The following PALLD variants were observed in gnomAD, a reference collection of about 807,000 sequenced individuals.
PALLD encodes the protein palladin, cytoskeletal associated protein.
A neutral mutation model predicts 123.5 loss-of-function variants in PALLD; 61 were observed. That is an observed-to-expected ratio of 0.49 (90% CI 0.40 to 0.61). The LOEUF (loss-of-function observed/expected upper bound fraction) is 0.61, where lower values mean the gene tolerates loss of function less well. PALLD is among the 20% of genes least tolerant of loss of function. The pLI is 0.00. For synonymous variants in PALLD, 465 were observed against 496.4 expected, an observed-to-expected ratio of 0.94 and a Z score of 0.84; for missense variants, 1,273 against 1,377.0, an observed-to-expected ratio of 0.92 and a Z score of 1.20.
chr4:168,837,694 G>C (rs1745397205), intron 10 of PALLD, among the ~76,000 whole-genome samples: 1 of 152,186 alleles, frequency 6.6e-6, no homozygotes, highest in African/African-American at 2.4e-5. Context: ...GAGATTTTAA[G>C]AGGGTAAGTA....
At chr4:168,582,906 T>C (rs1770438822) in intron 2 of PALLD, among the ~76,000 whole-genome samples, 1 of 152,192 alleles carries the variant, frequency 6.6e-6, no homozygotes, top group Non-Finnish European at 1.5e-5. Context: ...TGAAAGGCTT[T>C]GCACTCTTAA....
At chr4:168,890,427 G>C (rs1356685909) in intron 10 of PALLD, among the ~76,000 whole-genome samples, 1 of 152,158 alleles carries the variant, frequency 6.6e-6, no homozygotes, top group African/African-American at 2.4e-5. Flanking sequence ...TTTCAAATGG[G>C]CTAGGCACTA....
intron 2 of PALLD, among the ~76,000 whole-genome samples, chr4:168,645,839 C>A (rs996392782): frequency 6.6e-6 from 1 of 152,054 alleles, no homozygotes; most frequent in Non-Finnish European, 1.5e-5. Context: ...GAGTTGCTGA[C>A]CTTGGCCCCA....
rs566746853 is a variant in PALLD at position 168,521,152 on chromosome 4, G to A, written c.908+8740G>A. ...GATCTTTTATGGTATCATCTACCCA[G>A]TTTACCTGCTGCAGATGGCAAAAAA... On this transcript the variant is annotated intron_variant, in intron 2 of 21. Coordinates refer to ENST00000505667, the MANE Select transcript of PALLD (RefSeq NM_001166108.2). Among the ~76,000 whole-genome samples the A allele has an allele frequency of 3.0e-4, 45 of 152,012 alleles. No homozygotes were observed. The Middle Eastern group carries it at 0.014, about 46-fold the overall frequency.
At chr4:168,741,676 C>T (rs1788357711) in intron 10 of PALLD, among the ~76,000 whole-genome samples, 1 of 151,806 alleles carries the variant, frequency 6.6e-6, no homozygotes, top group Non-Finnish European at 1.5e-5. Context: ...AGAGTACAAT[C>T]CTATCTCAAA....
At chr4:168,879,958 T>C (rs1425478807) in intron 10 of PALLD, among the ~76,000 whole-genome samples, 1 of 152,204 alleles carries the variant, frequency 6.6e-6, no homozygotes, top group Non-Finnish European at 1.5e-5. Flanking sequence ...CCAGAGTTTG[T>C]TGCATGACAC....
chr4:168,772,056 T>A (rs1734530437), intron 10 of PALLD, among the ~76,000 whole-genome samples: 3 of 152,208 alleles, frequency 2.0e-5, no homozygotes, highest in African/African-American at 7.2e-5. Flanking sequence ...CAGAACCTTT[T>A]CTACTGAGTA....
At chr4:168,831,763 A>G (rs1008648694) in intron 10 of PALLD, among the ~76,000 whole-genome samples, 1 of 152,238 alleles carries the variant, frequency 6.6e-6, no homozygotes, top group Non-Finnish European at 1.5e-5. Flanking sequence ...CATCCTAACA[A>G]GCCGACAACA....
chr4:168,512,213 C>T lies in PALLD; in HGVS notation c.709C>T (p.Pro237Ser). The T allele has an allele frequency of 6.2e-7, 1 of 1,613,798 alleles. No homozygotes were observed. The highest frequency in any genetic ancestry group is 2.2e-5 in the East Asian group (1 of 44,864). Residue 237 changes from proline (P) to serine (S), a missense_variant, in exon 2 of 22, where the codon CCT becomes TCT. Transcript: ENST00000505667. Reference sequence around the variant, plus strand: ...GGAGATGGAAAGAGAGGTCAAGTCCCCTGGGGCCAGGCATTGCTACCAGGA... The same window carrying T: ...GGAGATGGAAAGAGAGGTCAAGTCCTCTGGGGCCAGGCATTGCTACCAGGA... ...QGEMEREVKS[P>S]GARHCYQDNQ...
chr4:168,535,782 A>C (rs1765034165), intron 2 of PALLD, among the ~76,000 whole-genome samples: 1 of 152,182 alleles, frequency 6.6e-6, no homozygotes, highest in South Asian at 2.1e-4. Context: ...AACTATAGCC[A>C]CCTCTACAAA....
chr4:168,794,547 G>A (rs867013116), intron 10 of PALLD, among the ~76,000 whole-genome samples: 1 of 136,338 alleles, frequency 7.3e-6, no homozygotes, highest in Non-Finnish European at 1.6e-5. Context: ...CACCCCTCTG[G>A]CTGCCTCAAC....
intron 10 of PALLD, among the ~76,000 whole-genome samples, chr4:168,733,112 A>C (rs188376410): frequency 5.9e-5 from 9 of 152,292 alleles, no homozygotes; most frequent in Admixed American, 4.6e-4. Flanking sequence ...TACATATATA[A>C]TGTGTAACTA....
At chr4:168,622,295 C>T (rs111987392) in intron 2 of PALLD, among the ~76,000 whole-genome samples, 1,540 of 152,258 alleles carry the variant, frequency 0.01, 19 homozygotes, top group African/African-American at 0.031. Flanking sequence ...TCCCGAATCA[C>T]GAGGGTGCTT....
chr4:168,629,368 A>G (rs1313079373), intron 2 of PALLD, among the ~76,000 whole-genome samples: 1 of 152,204 alleles, frequency 6.6e-6, no homozygotes, highest in African/African-American at 2.4e-5. Context: ...TATTTAGGCC[A>G]AAAGAAACCT....
chr4:168,756,344 C>T, intron 10 of PALLD: 1 of 224,546 alleles, frequency 4.5e-6, no homozygotes, highest in Middle Eastern at 1.8e-3. Context: ...TGGATGGTAT[C>T]TATGTCTCTG....
At chr4:168,640,603 A>T (rs1329620844) in intron 2 of PALLD, among the ~76,000 whole-genome samples, 1 of 152,238 alleles carries the variant, frequency 6.6e-6, no homozygotes, top group Non-Finnish European at 1.5e-5. Flanking sequence ...AACTGACTAC[A>T]CTTAGACCTA....
intron 2 of PALLD, among the ~76,000 whole-genome samples, chr4:168,517,738 C>T (rs11939299): frequency 0.11 from 16,148 of 152,188 alleles, 1,816 homozygotes; most frequent in African/African-American, 0.29. Flanking sequence ...ATATTCAGTG[C>T]TTGTAAAGTG....
intron 2 of PALLD, among the ~76,000 whole-genome samples, chr4:168,560,759 T>C (rs528984308): frequency 6.6e-6 from 1 of 152,278 alleles, no homozygotes; most frequent in East Asian, 1.9e-4. Context: ...AACCTATTAG[T>C]TTTGTGGAAG....
intron 10 of PALLD, among the ~76,000 whole-genome samples, chr4:168,833,480 AC>A (rs1744642278): frequency 6.6e-6 from 1 of 152,042 alleles, no homozygotes; most frequent in African/African-American, 2.4e-5. Flanking sequence ...CGAGAAAAGG[AC>A]AGAGGGACCG....
Sources: gnomAD v4.1 joint callset for allele counts (sites outside exome capture counted in the v4.1 genomes callset) on GRCh38, gnomAD v4.1.1 for gene constraint, MANE v1.5 for transcripts, NCBI Gene and HGNC (gene_info 2026-07-23, HGNC 2026-07-21) for gene names.